Variants in PUM1 observed in about 807,000 individuals in gnomAD.
The protein encoded by PUM1 is pumilio homolog 1.
In PUM1, 13 loss-of-function variants were observed where a neutral mutation model predicts 131.8. The ratio of observed to expected loss-of-function variants is 0.10; its 90% CI spans 0.06 to 0.16. PUM1 has a LOEUF of 0.16. Among genes scored for constraint, PUM1 ranks in the 10% least tolerant of loss-of-function variants. The probability of loss-of-function intolerance (pLI) is 1.00; values close to 1 mark genes in which losing one functional copy is unlikely to be tolerated. For synonymous variants in PUM1, 509 were observed against 556.5 expected, an observed-to-expected ratio of 0.91 and a Z score of 1.20; for missense variants, 961 against 1,512.4, an observed-to-expected ratio of 0.64 and a Z score of 6.05.
chr1:31,022,231 A>C (rs1292991062), intron 3 of PUM1, among the ~76,000 whole-genome samples: 1 of 152,226 alleles, frequency 6.6e-6, no homozygotes, highest in Non-Finnish European at 1.5e-5. Context: ...ATCGATAATG[A>C]TATCATATAG....
chr1:30,984,928 C>T (rs987414970), intron 7 of PUM1, among the ~76,000 whole-genome samples: 3 of 152,102 alleles, frequency 2.0e-5, no homozygotes, highest in African/African-American at 4.8e-5. Flanking sequence ...CCCACTCCCC[C>T]CTGGCCACCG....
intron 3 of PUM1, among the ~76,000 whole-genome samples, chr1:31,021,392 G>A (rs889542424): frequency 1.3e-5 from 2 of 152,260 alleles, no homozygotes; most frequent in Middle Eastern, 3.4e-3. Context: ...GATAGACAAG[G>A]ATACCAATTT....
At chr1:30,962,224 G>C (rs1640442438) in intron 14 of PUM1, among the ~76,000 whole-genome samples, 1 of 152,026 alleles carries the variant, frequency 6.6e-6, no homozygotes, top group South Asian at 2.1e-4. Context: ...AAACTAGGCA[G>C]GCAACAAGTC....
chr1:31,052,179 A>G (rs1027324995), intron 2 of PUM1, among the ~76,000 whole-genome samples: 1 of 151,410 alleles, frequency 6.6e-6, no homozygotes, highest in Non-Finnish European at 1.5e-5. Context: ...CACCCGGCTA[A>G]TTTTTCATAT....
chr1:30,967,813 G>C (rs1640685865), intron 11 of PUM1, among the ~76,000 whole-genome samples: 3 of 152,132 alleles, frequency 2.0e-5, no homozygotes, highest in African/African-American at 7.2e-5. Context: ...GAACATCAAA[G>C]TACATCTAAT....
intron 15 of PUM1, among the ~76,000 whole-genome samples, chr1:30,953,417 C>A (rs1397200033): frequency 6.6e-6 from 1 of 152,118 alleles, no homozygotes; most frequent in Non-Finnish European, 1.5e-5. Context: ...AGTGGAACAA[C>A]AAAGAAAGGT....
At chr1:30,982,949 T>C (rs555651845) in intron 7 of PUM1, among the ~76,000 whole-genome samples, 1 of 152,348 alleles carries the variant, frequency 6.6e-6, no homozygotes, top group South Asian at 2.1e-4. Flanking sequence ...TTGTTTTGTT[T>C]TTCCCCAAAA....
At chr1:30,942,356 G>A (rs1350132454) in intron 18 of PUM1, among the ~76,000 whole-genome samples, 3 of 151,180 alleles carry the variant, frequency 2.0e-5, no homozygotes, top group East Asian at 3.9e-4. Context: ...TCATAGATGT[G>A]CACAATTCAG....
chr1:30,938,928 C>T (rs59964476), intron 20 of PUM1, among the ~76,000 whole-genome samples: 617 of 103,274 alleles, frequency 6.0e-3, no homozygotes, highest in East Asian at 0.018. Context: ...GACAGACAGA[C>T]AGACAGACAG....
chr1:30,981,120 T>C (rs762698610), intron 8 of PUM1, among the ~76,000 whole-genome samples, 192 bp downstream of exon 8: 1 of 152,204 alleles, frequency 6.6e-6, no homozygotes, highest in Non-Finnish European at 1.5e-5. Context: ...AATGTTATGA[T>C]GCGGGTCTAC....
chr1:30,946,859 C>T (rs1346464680), intron 17 of PUM1, among the ~76,000 whole-genome samples: 2 of 151,842 alleles, frequency 1.3e-5, no homozygotes, highest in African/African-American at 4.8e-5. Flanking sequence ...CAGTGAGCTA[C>T]GGTAACACCA....
intron 2 of PUM1, 118 bp from the exon 3 acceptor site, chr1:31,028,982 A>T: frequency 1.3e-6 from 1 of 788,888 alleles, no homozygotes; most frequent in South Asian, 1.4e-5. Context: ...CAAAGACAAT[A>T]GCAATGATCA....
intron 21 of PUM1, 148 bp downstream of exon 21, chr1:30,936,495 C>T: frequency 1.3e-6 from 1 of 766,924 alleles, no homozygotes; most frequent in South Asian, 2.0e-5. Context: ...AATGGTGACT[C>T]CACATAAAAG....
At chr1:30,947,136 C>T (rs147666371) in intron 17 of PUM1, among the ~76,000 whole-genome samples, 302 of 152,288 alleles carry the variant, frequency 2.0e-3, no homozygotes, top group African/African-American at 6.9e-3. Context: ...AAAAGACTTA[C>T]AAAACTATAG....
intron 17 of PUM1, among the ~76,000 whole-genome samples, chr1:30,946,021 G>A (rs573061869): frequency 6.6e-6 from 1 of 151,998 alleles, no homozygotes; most frequent in South Asian, 2.1e-4. Flanking sequence ...CTGACCTCAG[G>A]AGATCTGCCC....
chr1:31,036,071 A>C (rs1012888271), intron 2 of PUM1, among the ~76,000 whole-genome samples: 4 of 151,462 alleles, frequency 2.6e-5, no homozygotes, highest in African/African-American at 9.7e-5. Flanking sequence ...TAGAATTCAA[A>C]CTCAAGTTTG....
chr1:30,968,636 T>G, intron 10 of PUM1, 144 bp from the exon 11 acceptor site: 1 of 733,064 alleles, frequency 1.4e-6, no homozygotes, highest in South Asian at 2.4e-5. Context: ...TGTTAGCGTA[T>G]AAATTCAATT....
At chr1:31,022,544 GAA>G (rs764556555) in intron 3 of PUM1, among the ~76,000 whole-genome samples, 46 of 152,304 alleles carry the variant, frequency 3.0e-4, no homozygotes, top group Middle Eastern at 3.4e-3. Context: ...ACAGACCTGG[GAA>G]CTACGTTCCA....
chr1:30,952,125 C>T, intron 16 of PUM1, 109 bp downstream of exon 16: 2 of 1,049,668 alleles, frequency 1.9e-6, no homozygotes, highest in Non-Finnish European at 2.9e-6. Context: ...GACCACACAC[C>T]CTTCATTCTG....
Sources: gnomAD v4.1 joint callset for allele counts (sites outside exome capture counted in the v4.1 genomes callset) on GRCh38, gnomAD v4.1.1 for gene constraint, MANE v1.5 for transcripts, NCBI Gene and HGNC (gene_info 2026-07-23, HGNC 2026-07-21) for gene names.